MAP3K1: variants seen among roughly 807,000 people sequenced by gnomAD.
MAP3K1 encodes the protein MAP/ERK kinase kinase 1.
Under a neutral mutation model 144.2 loss-of-function variants are expected in MAP3K1, and 36 were observed. That is an observed-to-expected ratio of 0.25 (90% CI 0.19 to 0.33). The LOEUF (loss-of-function observed/expected upper bound fraction) is 0.33, where lower values mean the gene tolerates loss of function less well. Ranked by LOEUF, MAP3K1 falls within the 10% of genes least tolerant of loss-of-function variation. The probability of loss-of-function intolerance (pLI) is 1.00; values close to 1 mark genes in which losing one functional copy is unlikely to be tolerated. For synonymous variants in MAP3K1, 718 were observed against 688.7 expected (o/e 1.04, Z -0.67); for missense variants, 1,650 against 1,881.9 (o/e 0.88, Z 2.28).
At chr5:56,857,553 C>G (rs146345615) in intron 2 of MAP3K1, among the ~76,000 whole-genome samples, 1 of 152,116 alleles carries the variant, frequency 6.6e-6, no homozygotes, top group South Asian at 2.1e-4. Flanking sequence ...TAAATACACC[C>G]CTGCCAAGTG....
chr5:56,815,632 C>G lies in MAP3K1; in HGVS notation c.59C>G (p.Thr20Arg), dbSNP rs1349845055. The change falls in exon 1 of 20, where the codon ACG (threonine) becomes AGG (arginine). Residue 20 changes from threonine to arginine, a missense_variant. Thr to Arg is a moderately conservative substitution (Grantham distance 71, BLOSUM62 -1). Transcript: ENST00000399503. ...TCGGGATTCCCGGGCGCCAGGGCTA[C>G]GAGCCCTGAGGCAGGCGGCGGCGGA... ...SSSGFPGARA[T>R]SPEAGGGGGA... 1 of 1,327,142 alleles carries G rather than the reference C, an allele frequency of 7.5e-7. No homozygotes were observed. Among genetic ancestry groups the G allele is most frequent in the Non-Finnish European group, 9.6e-7 (1 of 1,039,270 alleles). The allele number at this position is 1,327,142 out of a possible 1,614,324, so 82.2% of individuals were successfully genotyped here. A position where few individuals can be genotyped will look rare whatever the true frequency, so the allele number is the denominator to read the frequency against.
At chr5:56,828,051 A>G (rs1012972649) in intron 1 of MAP3K1, among the ~76,000 whole-genome samples, 2 of 152,142 alleles carry the variant, frequency 1.3e-5, no homozygotes, top group African/African-American at 2.4e-5. Flanking sequence ...TCTTGCAAGT[A>G]ACTGTCTATG....
At chr5:56,818,631 TATATTAC>T (rs1321229065) in intron 1 of MAP3K1, among the ~76,000 whole-genome samples, 2 of 152,286 alleles carry the variant, frequency 1.3e-5, no homozygotes, top group South Asian at 4.1e-4. Context: ...AATTTTTCCT[TATATTAC>T]AGAATTTAGG....
rs1745933278 is a variant in MAP3K1, at chr5:56,815,864, C to T, written c.291C>T (p.Asp97=). The T allele has an allele frequency of 2.9e-6, 4 of 1,396,076 alleles. No individual in the cohort carries two copies. Among genetic ancestry groups the T allele is most frequent in the Non-Finnish European group, 3.7e-6 (4 of 1,070,742 alleles). The allele number at this position is 1,396,076 out of a possible 1,614,324, so 86.5% of individuals were successfully genotyped here. Residue 97 remains aspartate (D), a synonymous_variant, in exon 1 of 20, where the codon GAC becomes GAT. Transcript: ENST00000399503. Reference sequence around the variant, plus strand: ...CTTCCCCGTCGCCGGAGCCCGCGGACGCAGCGGGGAGTGGGACCGGCTTCC... The same window carrying T: ...CTTCCCCGTCGCCGGAGCCCGCGGATGCAGCGGGGAGTGGGACCGGCTTCC... ...SSTSPSPEPA[D]AAGSGTGFQP... is the part of the protein sequence containing the mutation.
At chr5:56,858,002 C>T (rs1281847950) in intron 2 of MAP3K1, among the ~76,000 whole-genome samples, 1 of 152,178 alleles carries the variant, frequency 6.6e-6, no homozygotes, top group Non-Finnish European at 1.5e-5. Flanking sequence ...TTATTACTCA[C>T]GTGAGGTGGT....
chr5:56,879,504 A>G (rs927428045), intron 11 of MAP3K1, among the ~76,000 whole-genome samples: 12 of 152,236 alleles, frequency 7.9e-5, no homozygotes, highest in African/African-American at 2.9e-4. Flanking sequence ...AGGATAAAAA[A>G]TTAACAAATC....
chr5:56,859,486 G>T (rs1287983513), intron 2 of MAP3K1, among the ~76,000 whole-genome samples: 1 of 152,100 alleles, frequency 6.6e-6, no homozygotes, highest in Non-Finnish European at 1.5e-5. Flanking sequence ...AAGGGAGGAG[G>T]TTGCGTTTTA....
rs3817119 is a variant in MAP3K1, at chr5:56,887,916, T to G, written c.4258-310T>G. 0.13 allele frequency: 56,272 copies of G among 449,634 alleles called. 5,209 individuals are homozygous for G. The highest frequency in any genetic ancestry group is 0.33 in the East Asian group (7,464 of 22,368). The allele number at this position is 449,634 out of a possible 1,614,324, so 27.9% of individuals were successfully genotyped here. A position where few individuals can be genotyped will look rare whatever the true frequency, so the allele number is the denominator to read the frequency against. Reference sequence around the variant, plus strand: ...TAAGCATTGTTCTTCTGACTCAGCTTCTTCTGTCGTGTTCATAATTCTTCA... The same window carrying G: ...TAAGCATTGTTCTTCTGACTCAGCTGCTTCTGTCGTGTTCATAATTCTTCA... On this transcript the variant is annotated intron_variant, in intron 18 of 19. Transcript: ENST00000399503.
intron 13 of MAP3K1, 148 bp downstream of exon 13, chr5:56,881,420 A>C (rs1748202438): frequency 2.1e-6 from 2 of 968,164 alleles, no homozygotes; most frequent in African/African-American, 1.6e-5. Context: ...GAAAACCCAA[A>C]GTCTGGGCTC....
chr5:56,829,168 TTTC>T (rs911424078), intron 1 of MAP3K1, among the ~76,000 whole-genome samples: 5 of 151,988 alleles, frequency 3.3e-5, no homozygotes, highest in African/African-American at 4.8e-5. Flanking sequence ...TATTGCTGTT[TTTC>T]TTCTTTTTTT....
intron 6 of MAP3K1, 131 bp downstream of exon 6, chr5:56,866,108 C>G (rs553741923): frequency 1.1e-6 from 1 of 917,618 alleles, no homozygotes; most frequent in East Asian, 2.6e-5. Context: ...AAGTTAAAAT[C>G]AAGGGTGAAG....
chr5:56,892,064 G>T (rs1401250616), intron 19 of MAP3K1, among the ~76,000 whole-genome samples: 1 of 152,126 alleles, frequency 6.6e-6, no homozygotes, highest in Non-Finnish European at 1.5e-5. Context: ...TTCCAATTCT[G>T]TGAAGAAAGT....
At chr5:56,886,199 C>T (rs1579783978) in intron 17 of MAP3K1, 136 bp downstream of exon 17, 4 of 677,536 alleles carry the variant, frequency 5.9e-6, no homozygotes, top group Non-Finnish European at 1.0e-5. Context: ...AGGTCAGGAG[C>T]TCGAGACCAG....
intron 1 of MAP3K1, among the ~76,000 whole-genome samples, chr5:56,839,674 T>C (rs942119552): frequency 1.7e-4 from 26 of 152,084 alleles, no homozygotes; most frequent in African/African-American, 5.8e-4. Flanking sequence ...CATCTCTGGG[T>C]GGATTTTCTC....
At chr5:56,829,092 CTGTT>C (rs376190501) in intron 1 of MAP3K1, among the ~76,000 whole-genome samples, 2 of 152,032 alleles carry the variant, frequency 1.3e-5, no homozygotes, top group African/African-American at 4.8e-5. Flanking sequence ...TGGAATAAGA[CTGTT>C]TAACTGATTT....
intron 2 of MAP3K1, 120 bp from the exon 3 acceptor site, chr5:56,859,595 T>C: frequency 2.9e-6 from 2 of 697,908 alleles, no homozygotes; most frequent in Non-Finnish European, 5.0e-6. Flanking sequence ...TATTGTCTGG[T>C]ATACTGGTAT....
Position 56,882,877 on chromosome 5 carries a change from A to T in MAP3K1, c.3666+11A>T. 6.3e-7 allele frequency: 1 copy of T among 1,599,980 alleles called. No homozygotes were observed. The highest frequency in any genetic ancestry group is 8.5e-7 in the Non-Finnish European group (1 of 1,175,180). ...ATTATTCAACAGGATGTAAGTATAG[A>T]TTCTTTAAGAGGTTAGAAAACTTCC... On this transcript the variant is annotated intron_variant, in intron 14 of 19. Coordinates refer to ENST00000399503, the MANE Select transcript of MAP3K1 (RefSeq NM_005921.2).
At chr5:56,864,197 T>G (rs1325413875) in intron 3 of MAP3K1, among the ~76,000 whole-genome samples, 6 of 152,192 alleles carry the variant, frequency 3.9e-5, no homozygotes, top group Non-Finnish European at 7.3e-5. Context: ...CATGGTTGTC[T>G]CTCTCAGCCA....
chr5:56,872,402 A>G (rs1185883127), intron 7 of MAP3K1, among the ~76,000 whole-genome samples: 3 of 152,244 alleles, frequency 2.0e-5, no homozygotes, highest in Non-Finnish European at 4.4e-5. Context: ...CCTGGTAGTC[A>G]AACAGGGCAG....
Sources: gnomAD v4.1 joint callset for allele counts (sites outside exome capture counted in the v4.1 genomes callset) on GRCh38, gnomAD v4.1.1 for gene constraint, MANE v1.5 for transcripts, NCBI Gene and HGNC (gene_info 2026-07-23, HGNC 2026-07-21) for gene names.